The following ERBB4 variants were observed in gnomAD, a reference collection of about 807,000 sequenced individuals.
ERBB4 encodes erb-b2 receptor tyrosine kinase 4.
ERBB4 carries 42 observed loss-of-function variants against 158.0 expected under a neutral mutation model. That is an observed-to-expected ratio of 0.27 (90% CI 0.21 to 0.34). The LOEUF is 0.34. Among genes scored for constraint, ERBB4 ranks in the 10% least tolerant of loss-of-function variants. The pLI is 1.00. For missense variants in ERBB4, 1,333 were observed against 1,624.1 expected, an observed-to-expected ratio of 0.82 and a Z score of 3.08; for synonymous variants, 583 against 558.7, an observed-to-expected ratio of 1.04 and a Z score of -0.61.
At chr2:211,513,377 C>CAAACAAAAA (rs1553554078) in intron 20 of ERBB4, among the ~76,000 whole-genome samples, 24 of 55,744 alleles carry the variant, frequency 4.3e-4, no homozygotes, top group African/African-American at 1.1e-3. Flanking sequence ...AAAAAAAAAA[C>CAAACAAAAA]AAAAAAAAAA....
intron 4 of ERBB4, among the ~76,000 whole-genome samples, chr2:211,772,574 G>A (rs2075718271): frequency 6.6e-6 from 1 of 151,548 alleles, no homozygotes; most frequent in Admixed American, 6.6e-5. Context: ...CAGGGACATG[G>A]AAGTTAATTT....
At chr2:211,812,015 AGCCTCCTTCTGTCAGCTC>A (rs2105918288) in intron 3 of ERBB4, among the ~76,000 whole-genome samples, 1 of 152,314 alleles carries the variant, frequency 6.6e-6, no homozygotes. Context: ...GACCTTCTGA[AGCCTCCTTCTGTCAGCTC>A]GTCAAAGTTA....
At chr2:212,438,938 A>T (rs1446887323) in intron 1 of ERBB4, among the ~76,000 whole-genome samples, 1 of 152,178 alleles carries the variant, frequency 6.6e-6, no homozygotes, top group East Asian at 1.9e-4. Flanking sequence ...ATTTATGTGA[A>T]TTAAACATGA....
chr2:211,623,784 CT>C (rs780995356), intron 18 of ERBB4, 137 bp downstream of exon 18: 22 of 802,934 alleles, frequency 2.7e-5, no homozygotes, highest in Non-Finnish European at 4.3e-5. Context: ...TGTGCAGCAA[CT>C]TCTCAATATT....
chr2:212,405,726 T>C (rs957856588), intron 1 of ERBB4, among the ~76,000 whole-genome samples: 10 of 152,132 alleles, frequency 6.6e-5, no homozygotes, highest in African/African-American at 2.4e-4. Flanking sequence ...ATTATTTTTG[T>C]ATGCTGGCTC....
At chr2:212,091,681 T>C (rs1482109123) in intron 2 of ERBB4, among the ~76,000 whole-genome samples, 1 of 152,178 alleles carries the variant, frequency 6.6e-6, no homozygotes, top group Non-Finnish European at 1.5e-5. Context: ...TATTTGTATA[T>C]GTATAGTGAA....
intron 1 of ERBB4, among the ~76,000 whole-genome samples, chr2:212,377,296 C>T (rs527567065): frequency 6.7e-6 from 1 of 150,166 alleles, no homozygotes; most frequent in East Asian, 1.9e-4. Flanking sequence ...TATACACACA[C>T]ACATACTCAT....
intron 1 of ERBB4, among the ~76,000 whole-genome samples, chr2:212,373,367 A>G (rs2090152032): frequency 6.6e-6 from 1 of 152,078 alleles, no homozygotes; most frequent in African/African-American, 2.4e-5. Context: ...TTAAATTATT[A>G]ATCAGATTAT....
rs1035414354 is a variant in ERBB4 at position 211,583,687 on chromosome 2, G to C, written c.2302-21599C>G. Reference sequence around the variant, plus strand: ...TCACCTTTAAATTTAAAAAATGCAAGAGTAATGAAATCTAGTAAAATATTT... The same window carrying C: ...TCACCTTTAAATTTAAAAAATGCAACAGTAATGAAATCTAGTAAAATATTT... On this transcript the variant is annotated intron_variant, in intron 19 of 27. Coordinates refer to ENST00000342788, the MANE Select transcript of ERBB4 (RefSeq NM_005235.3). 3.3e-5 allele frequency among the ~76,000 whole-genome samples: 5 copies of C among 151,268 alleles called. No individual in the cohort carries two copies. The East Asian group carries it at 9.7e-4, about 29-fold the overall frequency.
intron 1 of ERBB4, among the ~76,000 whole-genome samples, chr2:212,196,976 A>G (rs2082444693): frequency 6.6e-6 from 1 of 152,118 alleles, no homozygotes; most frequent in African/African-American, 2.4e-5. Context: ...AACCAGCCTA[A>G]TTCTCCCATA....
intron 1 of ERBB4, among the ~76,000 whole-genome samples, chr2:212,493,119 A>T (rs1218117805): frequency 6.6e-6 from 1 of 151,504 alleles, no homozygotes; most frequent in Non-Finnish European, 1.5e-5. Flanking sequence ...CTTATAAATA[A>T]TAAAGAACCA....
At chr2:211,458,793 C>A (rs1331502685) in intron 20 of ERBB4, among the ~76,000 whole-genome samples, 1 of 152,128 alleles carries the variant, frequency 6.6e-6, no homozygotes, top group Admixed American at 6.5e-5. Flanking sequence ...AATAGAAAAT[C>A]CACATCAAAT....
chr2:211,699,862 A>G (rs770366655), intron 12 of ERBB4, among the ~76,000 whole-genome samples: 2 of 152,146 alleles, frequency 1.3e-5, no homozygotes, highest in Non-Finnish European at 2.9e-5. Flanking sequence ...GGGTGAAATA[A>G]CATTATATAA....
chr2:211,466,244 T>A (rs1216753742), intron 20 of ERBB4, among the ~76,000 whole-genome samples: 1 of 151,810 alleles, frequency 6.6e-6, no homozygotes, highest in African/African-American at 2.4e-5. Flanking sequence ...CTTCACTTTC[T>A]AAGCAAAATG....
At chr2:212,384,890 A>AATATAT (rs67216333) in intron 1 of ERBB4, among the ~76,000 whole-genome samples, 2,834 of 122,858 alleles carry the variant, frequency 0.023, 41 homozygotes, top group African/African-American at 0.046. Context: ...ATGTTTGTGG[A>AATATAT]ATATATATAT....
At chr2:211,905,716 ATG>A (rs1227493564) in intron 3 of ERBB4, among the ~76,000 whole-genome samples, 1 of 103,632 alleles carries the variant, frequency 9.6e-6, no homozygotes, top group East Asian at 2.5e-4. Context: ...GTGTGTATAT[ATG>A]TGTGTGTATG....
intron 5 of ERBB4, among the ~76,000 whole-genome samples, chr2:211,749,081 C>A (rs2075054510): frequency 6.6e-6 from 1 of 152,180 alleles, no homozygotes; most frequent in Non-Finnish European, 1.5e-5. Context: ...TAATTTAAAT[C>A]TACACTGACT....
chr2:211,623,894 C>G (rs2125857667), intron 18 of ERBB4, 28 bp downstream of exon 18: 1 of 1,612,522 alleles, frequency 6.2e-7, no homozygotes, highest in Non-Finnish European at 8.5e-7. Context: ...CAAAACTTAA[C>G]TAACGATATG....
intron 3 of ERBB4, among the ~76,000 whole-genome samples, chr2:211,939,515 G>A (rs541694972): frequency 6.6e-6 from 1 of 152,074 alleles, no homozygotes; most frequent in East Asian, 1.9e-4. Context: ...CCTCATTTCT[G>A]AACTCTGACT....
Sources: allele counts gnomAD v4.1 joint callset (sites outside exome capture counted in the v4.1 genomes callset), GRCh38; gene constraint gnomAD v4.1.1; transcripts MANE v1.5; gene names NCBI Gene and HGNC (gene_info 2026-07-23, HGNC 2026-07-21).